MCTP1: variants seen among roughly 807,000 people sequenced by gnomAD.
MCTP1 encodes multiple C2 and transmembrane domain-containing protein 1.
A neutral mutation model predicts 120.6 loss-of-function variants in MCTP1; 69 were observed. The ratio of observed to expected loss-of-function variants is 0.57; its 90% CI spans 0.47 to 0.70. The LOEUF (loss-of-function observed/expected upper bound fraction) is 0.70, where lower values mean the gene tolerates loss of function less well. Among genes scored for constraint, MCTP1 ranks in the 30% least tolerant of loss-of-function variants. The pLI is 0.00. For synonymous variants in MCTP1, 529 were observed against 493.1 expected, an observed-to-expected ratio of 1.07 and a Z score of -0.96; for missense variants, 1,203 against 1,248.8, an observed-to-expected ratio of 0.96 and a Z score of 0.55.
intron 19 of MCTP1, among the ~76,000 whole-genome samples, chr5:94,723,679 A>G (rs1340692425): frequency 6.6e-6 from 1 of 152,082 alleles, no homozygotes; most frequent in East Asian, 1.9e-4. Context: ...ATAATTTATG[A>G]TAGCATTTAG....
At chr5:95,086,243 C>T (rs998150845) in intron 1 of MCTP1, among the ~76,000 whole-genome samples, 2 of 152,024 alleles carry the variant, frequency 1.3e-5, no homozygotes, top group African/African-American at 4.8e-5. Flanking sequence ...TACAGGGTAT[C>T]GGCTATGTAC....
intron 19 of MCTP1, among the ~76,000 whole-genome samples, chr5:94,738,163 C>A (rs891667091): frequency 3.3e-5 from 5 of 152,084 alleles, no homozygotes; most frequent in Admixed American, 2.0e-4. Flanking sequence ...TTATGGATAA[C>A]CCTCATCTTC....
At chr5:95,213,359 G>A (rs371115676) in intron 1 of MCTP1, among the ~76,000 whole-genome samples, 1,643 of 141,468 alleles carry the variant, frequency 0.012, 14 homozygotes, top group Middle Eastern at 0.036. Flanking sequence ...CAATGAAATA[G>A]AAGAGGATAC....
At chr5:94,759,903 GAAAAAAAAA>G (rs10719332) in intron 19 of MCTP1, among the ~76,000 whole-genome samples, 1 of 78,906 alleles carries the variant, frequency 1.3e-5, no homozygotes, top group African/African-American at 5.1e-5. Flanking sequence ...TTTTCAAAGA[GAAAAAAAAA>G]AAAAAAAAAA....
intron 10 of MCTP1, among the ~76,000 whole-genome samples, chr5:94,897,244 T>G (rs1281674094): frequency 1.3e-5 from 2 of 151,170 alleles, no homozygotes; most frequent in East Asian, 3.9e-4. Context: ...TTTTTTTTTT[T>G]TGTATTTTTT....
chr5:95,000,487 T>A (rs1220138983), intron 2 of MCTP1, among the ~76,000 whole-genome samples: 2 of 152,112 alleles, frequency 1.3e-5, no homozygotes, highest in African/African-American at 4.8e-5. Context: ...GATGTGGAGG[T>A]CAAAGACACT....
At chr5:94,781,954 C>T (rs1271226098) in intron 18 of MCTP1, among the ~76,000 whole-genome samples, 1 of 152,144 alleles carries the variant, frequency 6.6e-6, no homozygotes, top group East Asian at 1.9e-4. Flanking sequence ...TTTAAAGTTA[C>T]ATCATAAACA....
intron 19 of MCTP1, among the ~76,000 whole-genome samples, chr5:94,744,356 T>C (rs1766370991): frequency 6.6e-6 from 1 of 152,208 alleles, no homozygotes; most frequent in African/African-American, 2.4e-5. Context: ...GCCTCTGTAC[T>C]TCTAAAATGC....
chr5:94,907,305 G>A (rs956582857), intron 10 of MCTP1, among the ~76,000 whole-genome samples: 1 of 152,166 alleles, frequency 6.6e-6, no homozygotes, highest in Non-Finnish European at 1.5e-5. Flanking sequence ...GGAGTGTGCA[G>A]CATGTTTCTA....
At chr5:94,766,587 G>A (rs555938496) in intron 19 of MCTP1, among the ~76,000 whole-genome samples, 8 of 152,084 alleles carry the variant, frequency 5.3e-5, no homozygotes, top group African/African-American at 1.2e-4. Context: ...ACGAGTTAAC[G>A]GATGCAGCAC....
chr5:95,089,597 G>A (rs952721451), intron 1 of MCTP1, among the ~76,000 whole-genome samples: 1 of 152,154 alleles, frequency 6.6e-6, no homozygotes, highest in Admixed American at 6.5e-5. Context: ...GGCCTTCAGT[G>A]GTTTCTATAC....
In MCTP1 at chr5:95,281,309, A is replaced by T. The variant is rs536929605; in HGVS notation, c.720+2547T>A. Among the ~76,000 whole-genome samples, 3 of 152,346 alleles carry T rather than the reference A, an allele frequency of 2.0e-5. No individual in the cohort carries two copies. In the East Asian group the frequency reaches 5.8e-4, roughly 29 times the overall value. On this transcript the variant is annotated intron_variant, in intron 1 of 22. Coordinates refer to ENST00000515393, the MANE Select transcript of MCTP1 (RefSeq NM_024717.7). ...TGCAAAGCTAAGCTGACTCCTGAGC[A>T]GCTGAATGCATCCCCTTCCAGGTTC...
chr5:94,784,240 T>C (rs1777154698), intron 18 of MCTP1, among the ~76,000 whole-genome samples: 2 of 152,044 alleles, frequency 1.3e-5, no homozygotes, highest in African/African-American at 2.4e-5. Flanking sequence ...GGTAGTATTC[T>C]TCAACACAGT....
chr5:95,249,748 G>T (rs973468327), intron 1 of MCTP1, among the ~76,000 whole-genome samples: 16 of 152,214 alleles, frequency 1.1e-4, no homozygotes, highest in African/African-American at 3.9e-4. Context: ...CAAAGACTCG[G>T]AATGATCCCA....
chr5:95,083,234 A>C (rs1755148066), intron 1 of MCTP1, among the ~76,000 whole-genome samples: 1 of 152,192 alleles, frequency 6.6e-6, no homozygotes, highest in Non-Finnish European at 1.5e-5. Flanking sequence ...TTTCCAGCAA[A>C]TACACTGGGC....
intron 2 of MCTP1, among the ~76,000 whole-genome samples, chr5:94,974,669 A>T (rs1827679124): frequency 6.6e-6 from 1 of 152,108 alleles, no homozygotes; most frequent in African/African-American, 2.4e-5. Context: ...TATATAAATA[A>T]ACCTAAGTAT....
intron 1 of MCTP1, among the ~76,000 whole-genome samples, chr5:95,089,988 C>T (rs1288093873): frequency 1.3e-5 from 2 of 152,180 alleles, no homozygotes; most frequent in African/African-American, 2.4e-5. Flanking sequence ...CACACTCAGG[C>T]CTCTCCCCAG....
intron 2 of MCTP1, among the ~76,000 whole-genome samples, chr5:94,997,699 G>A (rs929754287): frequency 1.3e-5 from 2 of 152,124 alleles, no homozygotes; most frequent in African/African-American, 4.8e-5. Flanking sequence ...GACCTACGCT[G>A]ATACATCATT....
intron 1 of MCTP1, among the ~76,000 whole-genome samples, chr5:95,276,946 G>T (rs1355937782): frequency 1.3e-5 from 2 of 151,516 alleles, no homozygotes; most frequent in Non-Finnish European, 2.9e-5. Context: ...AGGGAGACTC[G>T]GTCTCAAAAA....
Sources: gnomAD v4.1 joint callset for allele counts (sites outside exome capture counted in the v4.1 genomes callset) on GRCh38, gnomAD v4.1.1 for gene constraint, MANE v1.5 for transcripts, NCBI Gene and HGNC (gene_info 2026-07-23, HGNC 2026-07-21) for gene names.